STOX2: variants seen among roughly 807,000 people sequenced by gnomAD.
The protein encoded by STOX2 is storkhead-box protein 2.
Under a neutral mutation model 60.9 loss-of-function variants are expected in STOX2, and 28 were observed. That is an observed-to-expected ratio of 0.46 (90% CI 0.34 to 0.63). The LOEUF is 0.63. Ranked by LOEUF, STOX2 falls within the 30% of genes least tolerant of loss-of-function variation. STOX2 has a pLI of 0.01. For missense variants in STOX2, 1,024 were observed against 1,187.7 expected (o/e 0.86, Z 2.03); for synonymous variants, 472 against 463.9 (o/e 1.02, Z -0.22).
chr4:183,889,056 T>C (rs191421420), intron 1 of STOX2, among the ~76,000 whole-genome samples: 3 of 151,964 alleles, frequency 2.0e-5, no homozygotes, highest in East Asian at 2.0e-4. Context: ...TTTTCCTTAA[T>C]GAATTTGGCT....
Position 184,010,985 on chromosome 4 carries a change from A to G in STOX2, c.2147A>G (p.Tyr716Cys), listed in dbSNP as rs1459363137. The G allele has an allele frequency of 1.2e-6, 2 of 1,613,330 alleles. No individual in the cohort carries two copies. The highest frequency in any genetic ancestry group is 2.7e-5 in the African/African-American group (2 of 74,948). ...CACAGCACCTTGTCTGTAAACAGCT[A>G]TCACAAGTCGAGCCTGTCCCTCCTC... is the stretch of plus-strand genomic sequence containing the variant. Reference protein sequence around the residue: ...PLHSTLSVNSYHKSSLSLLKS... With the variant: ...PLHSTLSVNSCHKSSLSLLKS... Residue 716 changes from tyrosine (Y) to cysteine (C), a missense_variant, in exon 3 of 4, where the codon TAT (tyrosine) becomes TGT (cysteine). Tyr to Cys is a radical substitution (Grantham distance 194). This residue lies in a region of STOX2 where 922 missense variants were observed against 1,058.3 expected (regional missense o/e 0.87). Transcript: ENST00000308497. The surrounding 1 kb of genome is among the most constrained non-coding windows in gnomAD (Gnocchi z 4.5).
chr4:183,892,663 G>A (rs1020678805), intron 1 of STOX2, among the ~76,000 whole-genome samples: 1 of 152,210 alleles, frequency 6.6e-6, no homozygotes, highest in East Asian at 1.9e-4. Context: ...CCGAGGTTGT[G>A]GCGGTGTGGG....
chr4:183,881,511 A>G (rs1740959500), intron 1 of STOX2, among the ~76,000 whole-genome samples: 1 of 152,166 alleles, frequency 6.6e-6, no homozygotes. Context: ...AAAAAAAGAA[A>G]AGGCTTGGTC....
chr4:183,989,491 TG>T (rs1250945960), intron 1 of STOX2, among the ~76,000 whole-genome samples: 1 of 152,172 alleles, frequency 6.6e-6, no homozygotes. Flanking sequence ...CGTGAGCCAC[TG>T]TGCCCGGCCT....
chr4:183,849,156 A>G (rs1482483419), intron 1 of STOX2, among the ~76,000 whole-genome samples: 1 of 152,200 alleles, frequency 6.6e-6, no homozygotes, highest in Admixed American at 6.5e-5. Flanking sequence ...GAGCAGCCAG[A>G]TTTCCTGGGC....
chr4:183,949,438 G>T lies in STOX2; in HGVS notation c.166+42482G>T, dbSNP rs1159709897. Among the ~76,000 whole-genome samples the T allele has an allele frequency of 2.0e-5, 3 of 152,198 alleles. 1 individual carries two copies. Among genetic ancestry groups the T allele is most frequent in the Non-Finnish European group, 4.4e-5 (3 of 68,054 alleles). On this transcript the variant is annotated intron_variant, in intron 1 of 3. Transcript: ENST00000308497. ...ATTTAGGCCAGGCGTGGTGGCTCAT[G>T]CCTGTAATCCCAGCACTTAGGGAGG...
intron 1 of STOX2, among the ~76,000 whole-genome samples, chr4:183,845,103 A>G (rs1450870043): frequency 6.6e-6 from 1 of 152,252 alleles, no homozygotes; most frequent in African/African-American, 2.4e-5. Context: ...TAGTTTAAAA[A>G]GGAGAGATAA....
chr4:183,801,805 G>C (rs1738770295), intron 1 of STOX2, among the ~76,000 whole-genome samples: 1 of 152,164 alleles, frequency 6.6e-6, no homozygotes, highest in Non-Finnish European at 1.5e-5. Flanking sequence ...AGCCACTGGA[G>C]GCTTCTAAGC....
chr4:183,907,037 A>C, intron 1 of STOX2, 81 bp downstream of exon 1: 1 of 1,259,874 alleles, frequency 7.9e-7, no homozygotes, highest in Non-Finnish European at 1.1e-6. Context: ...TGCTTGGAGG[A>C]GAGGACGGGC....
At chr4:183,857,105 G>A (rs554865190) in intron 1 of STOX2, among the ~76,000 whole-genome samples, 8 of 152,230 alleles carry the variant, frequency 5.3e-5, no homozygotes, top group African/African-American at 1.7e-4. Context: ...TGTAGGACTG[G>A]TTGTCCCACA....
At chr4:183,873,145 A>G (rs536051388) in intron 1 of STOX2, among the ~76,000 whole-genome samples, 1 of 152,288 alleles carries the variant, frequency 6.6e-6, no homozygotes, top group African/African-American at 2.4e-5. Flanking sequence ...TGTTGGGCAC[A>G]TATAAAAATT....
At chr4:183,801,355 A>G (rs1340389056) in intron 1 of STOX2, among the ~76,000 whole-genome samples, 2 of 152,198 alleles carry the variant, frequency 1.3e-5, no homozygotes, top group Admixed American at 6.5e-5. Flanking sequence ...AAATTGTGCT[A>G]TGTATTTTGA....
At chr4:183,800,416 CA>C (rs1289151728) in intron 1 of STOX2, among the ~76,000 whole-genome samples, 1 of 152,200 alleles carries the variant, frequency 6.6e-6, no homozygotes, top group Non-Finnish European at 1.5e-5. Flanking sequence ...GCTAAACGTA[CA>C]AAACCAGAAA....
intron 1 of STOX2, among the ~76,000 whole-genome samples, chr4:183,839,158 T>A (rs1002344020): frequency 1.3e-5 from 2 of 152,132 alleles, no homozygotes; most frequent in African/African-American, 2.4e-5. Context: ...TCCCTCTTCC[T>A]TGGAGGAAGT....
chr4:183,888,422 A>G (rs1279212562), intron 1 of STOX2, among the ~76,000 whole-genome samples: 3 of 152,180 alleles, frequency 2.0e-5, no homozygotes, highest in Non-Finnish European at 4.4e-5. Flanking sequence ...GTCAGTGGCT[A>G]GCGCACTTTA....
intron 1 of STOX2, among the ~76,000 whole-genome samples, chr4:183,824,343 A>G (rs1739373686): frequency 1.3e-5 from 2 of 152,152 alleles, no homozygotes; most frequent in African/African-American, 4.8e-5. Flanking sequence ...CCGACATTCT[A>G]CTTTCATTTA....
At chr4:183,914,702 C>T (rs1279015326) in intron 1 of STOX2, among the ~76,000 whole-genome samples, 1 of 152,072 alleles carries the variant, frequency 6.6e-6, no homozygotes, top group Non-Finnish European at 1.5e-5. Flanking sequence ...TGGAGGGGAG[C>T]AGGTGACTGA....
intron 1 of STOX2, among the ~76,000 whole-genome samples, chr4:183,889,024 C>G (rs936241790): frequency 6.6e-6 from 1 of 151,470 alleles, no homozygotes; most frequent in Non-Finnish European, 1.5e-5. Flanking sequence ...GTTATTGGAC[C>G]GTCTTTTGCT....
chr4:183,909,213 T>G (rs912819614), intron 1 of STOX2, among the ~76,000 whole-genome samples: 3 of 152,208 alleles, frequency 2.0e-5, no homozygotes, highest in African/African-American at 7.2e-5. Flanking sequence ...CCTTTCAAAA[T>G]GTGAGTATTG....
Sources: gnomAD v4.1 joint callset for allele counts (sites outside exome capture counted in the v4.1 genomes callset) on GRCh38, gnomAD v4.1.1 for gene constraint, gnomAD v4.1.1 regional missense constraint, Gnocchi (gnomAD v3.1) non-coding constraint, MANE v1.5 for transcripts, NCBI Gene and HGNC (gene_info 2026-07-23, HGNC 2026-07-21) for gene names.